XKR6: variants seen among roughly 807,000 people sequenced by gnomAD.
XKR6 encodes XK related 6, also known as XK-related protein 6.
Under a neutral mutation model 56.7 loss-of-function variants are expected in XKR6, and 22 were observed. The observed-to-expected ratio is 0.39, with a 90% confidence interval of 0.28 to 0.55. The LOEUF is 0.55. Among genes scored for constraint, XKR6 ranks in the 20% least tolerant of loss-of-function variants. The probability of loss-of-function intolerance (pLI) is 0.66; values close to 1 mark genes in which losing one functional copy is unlikely to be tolerated. For missense variants in XKR6, 852 were observed against 889.0 expected (o/e 0.96, Z 0.53); for synonymous variants, 524 against 387.8 (o/e 1.35, Z -4.13).
intron 1 of XKR6, among the ~76,000 whole-genome samples, chr8:11,014,700 G>C (rs943425435): frequency 6.6e-6 from 1 of 152,174 alleles, no homozygotes. Flanking sequence ...TGCCTCATGG[G>C]TAGCAGCGTG....
Position 11,045,502 on chromosome 8 carries a change from G to T in XKR6, c.765-120672C>A, listed in dbSNP as rs138338379. ...TAGGTTCCTACTTCTTAGGGTCTGT[G>T]TGACTAGTTATAAAACTATTTTCTC... On this transcript the variant is annotated intron_variant, in intron 1 of 2. Coordinates refer to ENST00000416569, the MANE Select transcript of XKR6 (RefSeq NM_173683.4). 5.8e-4 allele frequency among the ~76,000 whole-genome samples: 88 copies of T among 152,312 alleles called. 3 individuals are homozygous for T. In the East Asian group the frequency reaches 0.016, roughly 28 times the overall value.
intron 1 of XKR6, among the ~76,000 whole-genome samples, chr8:11,145,747 G>A (rs1800948848): frequency 6.6e-6 from 1 of 152,122 alleles, no homozygotes; most frequent in African/African-American, 2.4e-5. Flanking sequence ...TGGGTCAGAA[G>A]GTTTAATATT....
At chr8:11,062,386 G>A (rs1033919959) in intron 1 of XKR6, among the ~76,000 whole-genome samples, 5 of 152,180 alleles carry the variant, frequency 3.3e-5, no homozygotes, top group African/African-American at 1.2e-4. Context: ...CTAGGTTGAT[G>A]CCTTTATTTG....
At chr8:11,067,304 G>A (rs916812625) in intron 1 of XKR6, among the ~76,000 whole-genome samples, 1 of 152,188 alleles carries the variant, frequency 6.6e-6, no homozygotes, top group Non-Finnish European at 1.5e-5. Flanking sequence ...TGCATCCTCT[G>A]TGGATTCCCT....
At position 11,050,571 on chromosome 8, in the gene XKR6, TA is replaced by T. The variant is rs56370844; in HGVS notation, c.765-125742del. Among the ~76,000 whole-genome samples the T allele has an allele frequency of 8.3e-3, 1,174 of 142,012 alleles. 7 individuals carry two copies. Among genetic ancestry groups the T allele is most frequent in the African/African-American group, 9.6e-3 (369 of 38,538 alleles). 93.2% of individuals were successfully genotyped at this position (142,012 alleles called of 152,430 possible). On this transcript the variant is annotated intron_variant, in intron 1 of 2. Transcript: ENST00000416569. ...AGAGAGAAAGAGCTTTCATTTTATT[TA>T]AAAAAAAAAAAAAAAGAGAGAGAGA...
intron 1 of XKR6, among the ~76,000 whole-genome samples, chr8:11,010,234 C>G (rs185375206): frequency 6.6e-6 from 1 of 152,316 alleles, no homozygotes; most frequent in African/African-American, 2.4e-5. Flanking sequence ...CTTGCTATCA[C>G]AAGACTGGCA....
chr8:11,044,697 C>G (rs1164382214), intron 1 of XKR6, among the ~76,000 whole-genome samples: 1 of 151,708 alleles, frequency 6.6e-6, no homozygotes, highest in Non-Finnish European at 1.5e-5. Flanking sequence ...CAGCTCACTG[C>G]AACCTCTGCC....
chr8:11,083,470 C>G (rs977539337), intron 1 of XKR6, among the ~76,000 whole-genome samples: 3 of 152,184 alleles, frequency 2.0e-5, no homozygotes, highest in Non-Finnish European at 2.9e-5. Context: ...GTGGCTGCAT[C>G]CTCATGTGGG....
chr8:10,911,772 AAG>A (rs905169845), intron 2 of XKR6, among the ~76,000 whole-genome samples: 7 of 150,268 alleles, frequency 4.7e-5, no homozygotes, highest in African/African-American at 7.3e-5. Context: ...TATAAATAAA[AAG>A]AGAGGTGTGT....
chr8:11,090,641 G>T (rs1419581820), intron 1 of XKR6, among the ~76,000 whole-genome samples: 1 of 152,132 alleles, frequency 6.6e-6, no homozygotes, highest in African/African-American at 2.4e-5. Flanking sequence ...TGCTAATAAG[G>T]TTGAACATCT....
At chr8:11,106,433 C>A (rs931498493) in intron 1 of XKR6, 1 of 152,256 alleles carries the variant, frequency 6.6e-6, no homozygotes, top group Non-Finnish European at 1.5e-5. Context: ...CCATTCCTGG[C>A]CTCAAGGGAA....
At chr8:11,130,171 G>A (rs1171088125) in intron 1 of XKR6, among the ~76,000 whole-genome samples, 1 of 152,056 alleles carries the variant, frequency 6.6e-6, no homozygotes, top group Non-Finnish European at 1.5e-5. Flanking sequence ...ACTATTTTGT[G>A]GCTGGTTGTG....
intron 1 of XKR6, among the ~76,000 whole-genome samples, chr8:10,975,346 T>A (rs1332511226): frequency 6.6e-6 from 1 of 152,214 alleles, no homozygotes; most frequent in African/African-American, 2.4e-5. Flanking sequence ...GGCCAGCTGC[T>A]GCCCACCAAT....
chr8:10,964,558 A>G (rs1802160092), intron 1 of XKR6, among the ~76,000 whole-genome samples: 1 of 152,048 alleles, frequency 6.6e-6, no homozygotes, highest in Admixed American at 6.6e-5. Flanking sequence ...ATGGCATCTC[A>G]ACCTTAATGG....
intron 1 of XKR6, among the ~76,000 whole-genome samples, chr8:10,956,944 A>C (rs1418695986): frequency 1.3e-5 from 2 of 152,016 alleles, no homozygotes; most frequent in Non-Finnish European, 2.9e-5. Flanking sequence ...CCTTGTCCAT[A>C]ACTCAGTATT....
At chr8:11,129,130 T>C in intron 1 of XKR6, 1 of 365,650 alleles carries the variant, frequency 2.7e-6, no homozygotes, top group South Asian at 2.1e-5. Flanking sequence ...CTATGATGAA[T>C]AAAGGAGTTT....
At chr8:10,984,955 T>C (rs945690967) in intron 1 of XKR6, among the ~76,000 whole-genome samples, 2 of 151,826 alleles carry the variant, frequency 1.3e-5, no homozygotes, top group African/African-American at 4.8e-5. Context: ...TTTTGTTTTT[T>C]TTGAAACGGG....
chr8:11,037,366 C>T lies in XKR6; in HGVS notation c.765-112536G>A, dbSNP rs905829230. On this transcript the variant is annotated intron_variant, in intron 1 of 2. Transcript: ENST00000416569. ...TAGGCCTCCTGAGTAGCTGAGACTACAGGTGCACATCACCACGACTGGCTA... is the reference window on the plus strand; with the variant it reads ...TAGGCCTCCTGAGTAGCTGAGACTATAGGTGCACATCACCACGACTGGCTA... 1.1e-4 allele frequency among the ~76,000 whole-genome samples: 16 copies of T among 152,328 alleles called. No homozygotes were observed. The South Asian group carries it at 3.1e-3, about 30-fold the overall frequency.
chr8:10,915,882 T>C (rs1235408631), intron 2 of XKR6, among the ~76,000 whole-genome samples: 1 of 152,214 alleles, frequency 6.6e-6, no homozygotes, highest in Non-Finnish European at 1.5e-5. Flanking sequence ...ATCTCAGCTG[T>C]GGATGAAGAT....
Sources: gnomAD v4.1 joint callset for allele counts (sites outside exome capture counted in the v4.1 genomes callset) on GRCh38, gnomAD v4.1.1 for gene constraint, MANE v1.5 for transcripts, NCBI Gene and HGNC (gene_info 2026-07-23, HGNC 2026-07-21) for gene names.